The following MYO1E variants were observed in gnomAD, a reference collection of about 807,000 sequenced individuals.
MYO1E encodes the protein myosin IE, also known as unconventional myosin-Ie.
Under a neutral mutation model 151.1 loss-of-function variants are expected in MYO1E, and 68 were observed. The observed-to-expected ratio is 0.45, with a 90% CI of 0.37 to 0.55. The LOEUF (loss-of-function observed/expected upper bound fraction) is 0.55, where lower values mean the gene tolerates loss of function less well. Ranked by LOEUF, MYO1E falls within the 20% of genes least tolerant of loss-of-function variation. MYO1E has a pLI of 0.00. For missense variants in MYO1E, 1,363 were observed against 1,389.3 expected (o/e 0.98, Z 0.30); for synonymous variants, 601 against 501.7 (o/e 1.20, Z -2.64).
In MYO1E at chr15:59,287,885, G is replaced by C. The variant is rs571604197; in HGVS notation, c.4-15436C>G. On this transcript the variant is annotated intron_variant, in intron 1 of 27. Transcript: ENST00000288235. Reference sequence around the variant, plus strand: ...CTGCAACCCTCAACTAGAAGGAGTGGATCAGAAAATGCGTGAATGAATGAT... The same window carrying C: ...CTGCAACCCTCAACTAGAAGGAGTGCATCAGAAAATGCGTGAATGAATGAT... 2.2e-4 allele frequency among the ~76,000 whole-genome samples: 33 copies of C among 152,266 alleles called. 2 individuals carry two copies. The South Asian group carries it at 6.8e-3, about 32-fold the overall frequency.
At chr15:59,167,036 T>C (rs1204074632) in intron 22 of MYO1E, among the ~76,000 whole-genome samples, 2 of 152,222 alleles carry the variant, frequency 1.3e-5, no homozygotes, top group African/African-American at 4.8e-5. Context: ...TCCCATGATG[T>C]TGACAACTTC....
At chr15:59,340,002 C>T (rs1794450906) in intron 1 of MYO1E, among the ~76,000 whole-genome samples, 1 of 151,990 alleles carries the variant, frequency 6.6e-6, no homozygotes, top group Non-Finnish European at 1.5e-5. Flanking sequence ...TGTCCGCTAC[C>T]ACATCTGGCT....
At chr15:59,220,397 C>G (rs927630768) in intron 9 of MYO1E, among the ~76,000 whole-genome samples, 1 of 152,086 alleles carries the variant, frequency 6.6e-6, no homozygotes, top group East Asian at 1.9e-4. Context: ...TGCAGTGAGC[C>G]GAGATAGCGC....
Position 59,214,333 on chromosome 15 carries a change from T to A in MYO1E, c.1189-19A>T. The A allele has an allele frequency of 6.5e-7, 1 of 1,530,560 alleles. No individual in the cohort carries two copies. The highest frequency in any genetic ancestry group is 9.0e-7 in the Non-Finnish European group (1 of 1,105,940). The allele number at this position is 1,530,560 out of a possible 1,614,324, so 94.8% of individuals were successfully genotyped here. A position where few individuals can be genotyped will look rare whatever the true frequency, so the allele number is the denominator to read the frequency against. ...CATTTTTCTGGAAAAAAAAAGTTAT[T>A]CACATGTAATTCTTTCACAAAATCA... On this transcript the variant is annotated intron_variant, in intron 11 of 27. Transcript: ENST00000288235.
At chr15:59,213,615 C>T (rs1318306348) in intron 12 of MYO1E, among the ~76,000 whole-genome samples, 5 of 148,446 alleles carry the variant, frequency 3.4e-5, no homozygotes, top group Admixed American at 2.1e-4. Context: ...TATGCCACCA[C>T]GTCCAGCTAA....
At chr15:59,222,573 A>T (rs1009686517) in intron 9 of MYO1E, among the ~76,000 whole-genome samples, 3 of 152,212 alleles carry the variant, frequency 2.0e-5, no homozygotes, top group Non-Finnish European at 4.4e-5. Context: ...CAGAAATCCA[A>T]TGTAATCCAA....
chr15:59,314,312 T>C (rs2140412779), intron 1 of MYO1E, among the ~76,000 whole-genome samples: 1 of 152,342 alleles, frequency 6.6e-6, no homozygotes, highest in Non-Finnish European at 1.5e-5. Context: ...AGAAAACAGA[T>C]TCAAAGAACT....
At chr15:59,356,216 A>C (rs567356784) in intron 1 of MYO1E, among the ~76,000 whole-genome samples, 1 of 152,280 alleles carries the variant, frequency 6.6e-6, no homozygotes, top group East Asian at 1.9e-4. Context: ...TTCCAGGGAC[A>C]AGCCACCTGG....
chr15:59,207,019 GCC>G (rs2079839981), intron 14 of MYO1E: 1 of 1,614,094 alleles, frequency 6.2e-7, no homozygotes, highest in Admixed American at 1.7e-5. Context: ...CCTGGGGATG[GCC>G]CTGTGTCCGC....
intron 2 of MYO1E, among the ~76,000 whole-genome samples, chr15:59,263,034 CTAAA>C (rs2080233236): frequency 6.7e-6 from 1 of 150,090 alleles, no homozygotes; most frequent in Non-Finnish European, 1.5e-5. Flanking sequence ...GAAAAAAAAT[CTAAA>C]CAACACACAG....
chr15:59,178,416 C>T lies in MYO1E; in HGVS notation c.2026G>A (p.Val676Met). 1 of 1,614,238 alleles carries T rather than the reference C, an allele frequency of 6.2e-7. No homozygotes were observed. The highest frequency in any genetic ancestry group is 8.5e-7 in the Non-Finnish European group (1 of 1,180,044). ...ACAGACTCGGGGGCTTTGATGAACA[C>T]TTTACTCCTCCCCAGCTGGAACTGG... Reference protein sequence around the residue: ...SDQFQLGRSKVFIKAPESLFL... With the variant: ...SDQFQLGRSKMFIKAPESLFL... The change falls in exon 19 of 28, where the codon GTG becomes ATG. Residue 676 changes from valine (V) to methionine (M), a missense_variant. By Grantham distance (21) the Val-to-Met change is conservative. Transcript: ENST00000288235.
rs1555417405 is a variant in MYO1E, at chr15:59,291,711, AAGAG to A, written c.4-19266_4-19263del. Among the ~76,000 whole-genome samples, 540 of 66,988 alleles carry A rather than the reference AAGAG, an allele frequency of 8.1e-3. 14 individuals are homozygous for A. The highest frequency in any genetic ancestry group is 0.032 in the African/African-American group (480 of 15,206). The allele number at this position is 66,988 out of a possible 152,430, so 43.9% of individuals were successfully genotyped here. A position where few individuals can be genotyped will look rare whatever the true frequency, so the allele number is the denominator to read the frequency against. On this transcript the variant is annotated intron_variant, in intron 1 of 27. Coordinates refer to ENST00000288235, the MANE Select transcript of MYO1E (RefSeq NM_004998.4). Reference sequence around the variant, plus strand: ...AAAAAAAAAAAAAAAAAAAAAAAAAAAGAGAGAGAGAGAGAGAAAACAAAGATTA... The same window carrying A: ...AAAAAAAAAAAAAAAAAAAAAAAAAAAGAGAGAGAGAGAAAACAAAGATTA...
Position 59,223,084 on chromosome 15 carries a change from G to C in MYO1E, c.885C>G (p.Asn295Lys). 6.2e-7 allele frequency: 1 copy of C among 1,613,970 alleles called. No homozygotes were observed. The highest frequency in any genetic ancestry group is 8.5e-7 in the Non-Finnish European group (1 of 1,180,024). The change falls in exon 9 of 28, where the codon AAC becomes AAG. Residue 295 changes from asparagine to lysine, a missense_variant. Physicochemically the swap from Asn to Lys is moderately conservative, Grantham distance 94 (BLOSUM62 0). Transcript: ENST00000288235. Reference sequence around the variant, plus strand: ...ACTCTTCACTCTCCACAGCCGCGTAGTTGCCAACTTCTTTGAAGCTGATGT... The same window carrying C: ...ACTCTTCACTCTCCACAGCCGCGTACTTGCCAACTTCTTTGAAGCTGATGT... ...LGNISFKEVG[N>K]YAAVESEEFL...
chr15:59,236,714 G>A, intron 4 of MYO1E, 42 bp from the exon 5 acceptor site: 1 of 1,473,074 alleles, frequency 6.8e-7, no homozygotes, highest in Non-Finnish European at 9.5e-7. Context: ...GAAGTGGATT[G>A]CGACCAGCTC....
At chr15:59,304,900 G>A (rs2080505634) in intron 1 of MYO1E, among the ~76,000 whole-genome samples, 2 of 152,172 alleles carry the variant, frequency 1.3e-5, no homozygotes, top group Admixed American at 1.3e-4. Flanking sequence ...TTTTGTGTCT[G>A]TGCTCAGAAA....
rs895190672 is a variant in MYO1E, at chr15:59,338,853, T to C, written c.3+33645A>G. Among the ~76,000 whole-genome samples, 6 of 152,300 alleles carry C rather than the reference T, an allele frequency of 3.9e-5. No individual in the cohort carries two copies. In the East Asian group the frequency reaches 1.2e-3, roughly 29 times the overall value. ...GCACCCTATAAATAAAACATCAGGC[T>C]GGGCGCTGTGGCTCATGCCTGTAAT... is the stretch of plus-strand genomic sequence containing the variant. On this transcript the variant is annotated intron_variant, in intron 1 of 27. Coordinates refer to ENST00000288235, the MANE Select transcript of MYO1E (RefSeq NM_004998.4).
rs1243265445 is a variant in MYO1E at position 59,159,536 on chromosome 15, T to A, written c.2786-1157A>T. Among the ~76,000 whole-genome samples the A allele has an allele frequency of 6.6e-6, 1 of 152,190 alleles. No individual in the cohort carries two copies. On this transcript the variant is annotated intron_variant, in intron 24 of 27. Transcript: ENST00000288235. This position sits in a 1 kb window ranked among gnomAD's most constrained non-coding sequence, Gnocchi z 4.4. ...CCTCCTTCCTGACTGTAGCCTTCAG[T>A]TCACCTCGTTCCTCCCTCTGCTGCT... is the stretch of plus-strand genomic sequence containing the variant.
At position 59,137,427 on chromosome 15, in the gene MYO1E, G is replaced by T. The variant is rs1463387450; in HGVS notation, c.3280C>A (p.Arg1094=). The part of the protein sequence containing the change: ...DPSGWWTGRL[R]GKQGLFPNNY... ...TTGGGGAACAGGCCCTGCTTGCCTC[G>T]TAGTCGACCCGTCCACCAGCCAGAA... is the stretch of plus-strand genomic sequence containing the variant. The change falls in exon 28 of 28, where the codon CGA becomes AGA. Residue 1094 remains arginine, a synonymous_variant. Coordinates refer to ENST00000288235, the MANE Select transcript of MYO1E (RefSeq NM_004998.4). 6.2e-7 allele frequency: 1 copy of T among 1,614,144 alleles called. No individual in the cohort carries two copies. The highest frequency in any genetic ancestry group is 2.2e-5 in the East Asian group (1 of 44,884).
chr15:59,260,347 C>T (rs1280484555), intron 3 of MYO1E, among the ~76,000 whole-genome samples: 1 of 152,228 alleles, frequency 6.6e-6, no homozygotes, highest in Non-Finnish European at 1.5e-5. Context: ...TTTCGCGTGG[C>T]AGCCTCCTTC....
Sources: allele counts gnomAD v4.1 joint callset (sites outside exome capture counted in the v4.1 genomes callset), GRCh38; gene constraint gnomAD v4.1.1; non-coding constraint Gnocchi (gnomAD v3.1); transcripts MANE v1.5; gene names NCBI Gene and HGNC (gene_info 2026-07-23, HGNC 2026-07-21).